The following STT3A variants were observed in gnomAD, a reference collection of about 807,000 sequenced individuals.
STT3A encodes the protein STT3 oligosaccharyltransferase complex catalytic subunit A.
STT3A carries 34 observed loss-of-function variants against 89.2 expected under a neutral mutation model. The ratio of observed to expected loss-of-function variants is 0.38; its 90% confidence interval spans 0.29 to 0.51. The LOEUF (loss-of-function observed/expected upper bound fraction) is 0.51, where lower values mean the gene tolerates loss of function less well. STT3A is among the 20% of genes least tolerant of loss of function. The pLI is 0.89. For synonymous variants in STT3A, 282 were observed against 310.3 expected (o/e 0.91, Z 0.96); for missense variants, 555 against 889.5 (o/e 0.62, Z 4.78).
chr11:125,620,824 C>G lies in STT3A; in HGVS notation c.*14C>G. On this transcript the variant is annotated 3_prime_UTR_variant, in exon 18 of 18. Coordinates refer to ENST00000392708, the MANE Select transcript of STT3A (RefSeq NM_152713.5). ...TCAAGGACATAAATGTCACGTCCAGCTCTGATATGCTTCGCACTGAGCACA... is the reference window on the plus strand; with the variant it reads ...TCAAGGACATAAATGTCACGTCCAGGTCTGATATGCTTCGCACTGAGCACA... 1.2e-6 allele frequency: 2 copies of G among 1,611,006 alleles called. No individual in the cohort carries two copies. The highest frequency in any genetic ancestry group is 1.7e-6 in the Non-Finnish European group (2 of 1,178,320).
rs1939479420 is a variant in STT3A at position 125,595,899 on chromosome 11, C to G, written c.-17C>G. ...ATTTTAGCTGATCGTCGTGTGTTGC[C>G]ACCCATTCATGTCAAGATGACTAAG... On this transcript the variant is annotated 5_prime_UTR_variant, in exon 2 of 18. Transcript: ENST00000392708. 1.3e-6 allele frequency: 2 copies of G among 1,580,504 alleles called. No individual in the cohort carries two copies. The highest frequency in any genetic ancestry group is 1.7e-6 in the Non-Finnish European group (2 of 1,150,782).
upstream of STT3A, chr11:125,592,766 G>T: frequency 7.1e-6 from 2 of 279,820 alleles, no homozygotes; most frequent in South Asian, 5.8e-5. Context: ...AGACAGTTCC[G>T]AGACCCTATC....
chr11:125,604,142 CT>C lies in STT3A; in HGVS notation c.418-8del. ...GTATTGGTGTTAATGTCTTATTACCCTTTTTTTCTTACAGGATGCAGGGGCT... is the reference window on the plus strand; with the variant it reads ...GTATTGGTGTTAATGTCTTATTACCCTTTTTTCTTACAGGATGCAGGGGCT... On this transcript the variant is annotated splice_polypyrimidine_tract_variant and intron_variant, in intron 5 of 17. Transcript: ENST00000392708. 1 of 1,613,174 alleles carries C rather than the reference CT, an allele frequency of 6.2e-7. No homozygotes were observed. Among genetic ancestry groups the C allele is most frequent in the Non-Finnish European group, 8.5e-7 (1 of 1,179,346 alleles).
chr11:125,621,962 G>A lies in STT3A; in HGVS notation c.*1152G>A, dbSNP rs1940361344. ...AGATTGGAGGATCACTTGGGCCTGG[G>A]AGGTTGAGGCTACAGTGAACTGTGA... On this transcript the variant is annotated 3_prime_UTR_variant, in exon 18 of 18. Coordinates refer to ENST00000392708, the MANE Select transcript of STT3A (RefSeq NM_152713.5). 1 of 152,364 alleles carries A rather than the reference G, an allele frequency of 6.6e-6. No homozygotes were observed. The highest frequency in any genetic ancestry group is 2.1e-4 in the South Asian group (1 of 4,826). The allele number at this position is 152,364 out of a possible 1,614,324, so 9.4% of individuals were successfully genotyped here. A position where few individuals can be genotyped will look rare whatever the true frequency, so the allele number is the denominator to read the frequency against.
chr11:125,592,943 T>G (rs1374383319), intron 1 of STT3A, 25 bp downstream of exon 1: 3 of 168,270 alleles, frequency 1.8e-5, no homozygotes, highest in Admixed American at 6.0e-5. Context: ...GAACGTAACT[T>G]GAAAATCAGC....
At chr11:125,615,905 G>A (rs1413053974) in intron 15 of STT3A, among the ~76,000 whole-genome samples, 1 of 152,166 alleles carries the variant, frequency 6.6e-6, no homozygotes, top group Non-Finnish European at 1.5e-5. Flanking sequence ...CACATGTGGT[G>A]GCACATACTT....
At chr11:125,597,271 A>G in intron 3 of STT3A, 152 bp downstream of exon 3, 2 of 796,234 alleles carry the variant, frequency 2.5e-6, no homozygotes, top group Non-Finnish European at 2.0e-6. Flanking sequence ...TCCAAAGGAG[A>G]TAATTATCTC....
intron 15 of STT3A, among the ~76,000 whole-genome samples, chr11:125,617,570 G>A (rs1940213555): frequency 6.6e-6 from 1 of 152,210 alleles, no homozygotes; most frequent in Non-Finnish European, 1.5e-5. Context: ...AAGCAATACA[G>A]TAAATGATGA....
chr11:125,598,846 A>T (rs1406305324), intron 3 of STT3A, among the ~76,000 whole-genome samples: 3 of 152,058 alleles, frequency 2.0e-5, no homozygotes. Context: ...GGGCTCAAGC[A>T]ATCCTCCCTC....
chr11:125,605,115 GTTT>G (rs1479289626), intron 6 of STT3A, among the ~76,000 whole-genome samples: 2 of 150,020 alleles, frequency 1.3e-5, no homozygotes, highest in Admixed American at 1.3e-4. Flanking sequence ...TGTTGTTGTT[GTTT>G]TTATTTTTAT....
chr11:125,592,317 A>C (rs1939321769), upstream of STT3A: 1 of 434,306 alleles, frequency 2.3e-6, no homozygotes, highest in South Asian at 1.6e-5. Flanking sequence ...GCAAAAGACG[A>C]ACTGTCTGGA....
chr11:125,613,164 A>G lies in STT3A; in HGVS notation c.1541A>G (p.His514Arg), dbSNP rs1291144245. 2.5e-6 allele frequency: 4 copies of G among 1,613,690 alleles called. No homozygotes were observed. Among genetic ancestry groups the G allele is most frequent in the Non-Finnish European group, 2.5e-6 (3 of 1,179,846 alleles). ...DFREAYYWLR[H>R]NTPEDAKVMS... Reference sequence around the variant, plus strand: ...CGAGAAGCATATTATTGGCTTCGTCATAATACTCCAGAGGTGAAGATTTGG... The same window carrying G: ...CGAGAAGCATATTATTGGCTTCGTCGTAATACTCCAGAGGTGAAGATTTGG... The change falls in exon 13 of 18, where the codon CAT becomes CGT. Residue 514 changes from histidine to arginine, a missense_variant. His to Arg is a conservative substitution (Grantham distance 29). Around this residue, in one of 5 missense-constraint regions of STT3A, gnomAD observed 273 missense variants for 449.8 expected, o/e 0.61. Coordinates refer to ENST00000392708, the MANE Select transcript of STT3A (RefSeq NM_152713.5). The surrounding 1 kb of genome is among the most constrained non-coding windows in gnomAD (Gnocchi z 4.2).
At chr11:125,595,661 A>T (rs958900261) in intron 1 of STT3A, among the ~76,000 whole-genome samples, 1 of 151,974 alleles carries the variant, frequency 6.6e-6, no homozygotes, top group Non-Finnish European at 1.5e-5. Context: ...GTTTATTCTG[A>T]CCACTCCATT....
chr11:125,611,893 T>G (rs1008829445), intron 11 of STT3A, among the ~76,000 whole-genome samples: 1 of 140,634 alleles, frequency 7.1e-6, no homozygotes, highest in African/African-American at 2.8e-5. Context: ...TTTTTTTTTT[T>G]TGAGACAGAG....
At position 125,599,115 on chromosome 11, in the gene STT3A, A is replaced by G. The variant is rs116678606; in HGVS notation, c.149+1996A>G. Among the ~76,000 whole-genome samples the G allele has an allele frequency of 6.8e-3, 1,035 of 152,288 alleles. 12 individuals are homozygous for G. The highest frequency in any genetic ancestry group is 0.023 in the African/African-American group (958 of 41,558). On this transcript the variant is annotated intron_variant, in intron 3 of 17. Transcript: ENST00000392708. ...ATGCAGTCCAGACCTATTCCTACTA[A>G]CTTATACTTCCTCTCTCACTCTGCC...
At chr11:125,592,588 C>G (rs955340886), upstream of STT3A, 7 of 428,812 alleles carry the variant, frequency 1.6e-5, no homozygotes, top group Admixed American at 1.5e-4. Flanking sequence ...CTCCTCGGCC[C>G]TCAACCAAAC....
rs1012316167 is a variant in STT3A at position 125,614,491 on chromosome 11, T to C, written c.1774+65T>C. The C allele has an allele frequency of 1.3e-5, 19 of 1,436,280 alleles. No homozygotes were observed. In the African/African-American group the frequency reaches 2.3e-4, roughly 17 times the overall value. The allele number at this position is 1,436,280 out of a possible 1,614,324, so 89.0% of individuals were successfully genotyped here. A position where few individuals can be genotyped will look rare whatever the true frequency, so the allele number is the denominator to read the frequency against. ...TTCTAAGAAAACTAGATGAATATCC[T>C]AGTTTTCTGTACTTTTACTAATATT... On this transcript the variant is annotated intron_variant, in intron 15 of 17. Transcript: ENST00000392708. The surrounding 1 kb of genome is among the most constrained non-coding windows in gnomAD (Gnocchi z 4.9).
rs1283981030 is a variant in STT3A, at chr11:125,609,464, A to G, written c.992A>G (p.Tyr331Cys). The stretch of plus-strand genomic sequence containing the variant: ...ATATCTCCCTGGACGGGGCGTTTCT[A>G]CTCGCTGCTGGATCCCTCTTATGCT... The part of the protein sequence containing the change: ...GKISPWTGRF[Y>C]SLLDPSYAKN... Residue 331 changes from tyrosine to cysteine, a missense_variant, in exon 10 of 18, where the codon TAC becomes TGC. This residue lies in a region of STT3A where 149 missense variants were observed against 206.2 expected (regional missense o/e 0.72). Coordinates refer to ENST00000392708, the MANE Select transcript of STT3A (RefSeq NM_152713.5). 1 of 1,612,246 alleles carries G rather than the reference A, an allele frequency of 6.2e-7. No homozygotes were observed.
intron 5 of STT3A, among the ~76,000 whole-genome samples, chr11:125,603,939 C>T (rs1367292227): frequency 2.0e-5 from 3 of 152,126 alleles, no homozygotes; most frequent in Non-Finnish European, 4.4e-5. Flanking sequence ...CATATGTGTT[C>T]TCAGTGTCAG....
Sources: allele counts gnomAD v4.1 joint callset (sites outside exome capture counted in the v4.1 genomes callset), GRCh38; gene constraint gnomAD v4.1.1; regional missense constraint gnomAD v4.1.1; non-coding constraint Gnocchi (gnomAD v3.1); transcripts MANE v1.5; gene names NCBI Gene and HGNC (gene_info 2026-07-23, HGNC 2026-07-21).